PAPPA2: variants seen among roughly 807,000 people sequenced by gnomAD.
The protein encoded by PAPPA2 is pappalysin-2.
A neutral mutation model predicts 176.4 loss-of-function variants in PAPPA2; 86 were observed. The observed-to-expected ratio is 0.49, with a 90% confidence interval of 0.41 to 0.58. PAPPA2 has a LOEUF of 0.58. PAPPA2 is among the 20% of genes least tolerant of loss of function. The probability of loss-of-function intolerance (pLI) is 0.00; values close to 1 mark genes in which losing one functional copy is unlikely to be tolerated. For missense variants in PAPPA2, 2,073 were observed against 2,256.9 expected (o/e 0.92, Z 1.65); for synonymous variants, 809 against 852.2 (o/e 0.95, Z 0.88).
rs543830001 is a variant in PAPPA2 at position 176,763,362 on chromosome 1, G to A, written c.4152-2304G>A. On this transcript the variant is annotated intron_variant, in intron 14 of 22. Coordinates refer to ENST00000367662, the MANE Select transcript of PAPPA2 (RefSeq NM_020318.3). ...CTTATACCACTGGTACTCAGATCGA[G>A]GCCTTCCTAACAGTAAGTGCTCAGT... Among the ~76,000 whole-genome samples, 4 of 152,270 alleles carry A rather than the reference G, an allele frequency of 2.6e-5. No homozygotes were observed. In the South Asian group the frequency reaches 8.3e-4, roughly 32 times the overall value.
intron 4 of PAPPA2, among the ~76,000 whole-genome samples, chr1:176,678,962 A>C (rs1352277246): frequency 2.0e-5 from 3 of 152,164 alleles, no homozygotes; most frequent in African/African-American, 7.2e-5. Context: ...TGTGAGCACA[A>C]GGAAAGAATA....
Position 176,671,004 on chromosome 1 carries a change from C to A in PAPPA2, c.2026C>A (p.Leu676Met), listed in dbSNP as rs1171174390. 6.2e-7 allele frequency: 1 copy of A among 1,613,906 alleles called. No homozygotes were observed. Among genetic ancestry groups the A allele is most frequent in the East Asian group, 2.2e-5 (1 of 44,860 alleles). The change falls in exon 4 of 23, where the codon CTG (leucine) becomes ATG (methionine). Residue 676 changes from leucine to methionine, a missense_variant. Around this residue, in one of 4 missense-constraint regions of PAPPA2, gnomAD observed 1,196 missense variants for 1,330.4 expected, o/e 0.90. Transcript: ENST00000367662. ...YMSVKELKEALQLNSTHFLNI... is the reference protein window; with the variant it reads ...YMSVKELKEAMQLNSTHFLNI... ...GAGTGTGAAGGAGCTGAAGGAGGCCCTGCAGCTGAACAGTACTCACTTCCT... is the reference window on the plus strand; with the variant it reads ...GAGTGTGAAGGAGCTGAAGGAGGCCATGCAGCTGAACAGTACTCACTTCCT...
chr1:176,765,701 G>C lies in PAPPA2; in HGVS notation c.4187G>C (p.Cys1396Ser). 1 of 1,614,094 alleles carries C rather than the reference G, an allele frequency of 6.2e-7. No individual in the cohort carries two copies. Among genetic ancestry groups the C allele is most frequent in the East Asian group, 2.2e-5 (1 of 44,840 alleles). ...IHRPCGKQDS[C>S]PSLLLDHADV... ...CGGCCCTGTGGGAAGCAGGACAGCT[G>C]TCCGTCATTGCTGCTTGATCATGCT... The change falls in exon 15 of 23, where the codon TGT becomes TCT. Residue 1396 changes from cysteine to serine, a missense_variant. Cys to Ser is a moderately radical substitution (Grantham distance 112, BLOSUM62 -1). Around this residue, in one of 4 missense-constraint regions of PAPPA2, gnomAD observed 846 missense variants for 857.9 expected, o/e 0.99. Transcript: ENST00000367662.
At chr1:176,626,852 T>C (rs942452552) in intron 3 of PAPPA2, among the ~76,000 whole-genome samples, 1 of 151,568 alleles carries the variant, frequency 6.6e-6, no homozygotes, top group Non-Finnish European at 1.5e-5. Context: ...GGCAATAAGA[T>C]TGAGTGTGTG....
At chr1:176,644,659 TCC>T (rs1264140145) in intron 3 of PAPPA2, among the ~76,000 whole-genome samples, 1 of 151,766 alleles carries the variant, frequency 6.6e-6, no homozygotes, top group East Asian at 1.9e-4. Flanking sequence ...GTTTCGGCTT[TCC>T]CCAGGTCACC....
At chr1:176,675,170 G>C (rs1659225874) in intron 4 of PAPPA2, among the ~76,000 whole-genome samples, 1 of 151,998 alleles carries the variant, frequency 6.6e-6, no homozygotes, top group South Asian at 2.1e-4. Context: ...TTTGGAGGAA[G>C]TTTATCTGCC....
Position 176,844,482 on chromosome 1 carries a change from A to G in PAPPA2, c.*2028A>G, listed in dbSNP as rs902620919. On this transcript the variant is annotated 3_prime_UTR_variant, in exon 23 of 23. Coordinates refer to ENST00000367662, the MANE Select transcript of PAPPA2 (RefSeq NM_020318.3). The stretch of plus-strand genomic sequence containing the variant: ...GGGTTGCAAAGTTATTGGGAAAAGG[A>G]AAGAGCAGAGTTCACCCATTCAAAA... 1.3e-5 allele frequency: 2 copies of G among 152,182 alleles called. No homozygotes were observed. The highest frequency in any genetic ancestry group is 2.4e-5 in the African/African-American group (1 of 41,454). The allele number at this position is 152,182 out of a possible 1,614,324, so 9.4% of individuals were successfully genotyped here.
intron 1 of PAPPA2, among the ~76,000 whole-genome samples, chr1:176,473,199 AC>A (rs1284615733): frequency 6.6e-6 from 1 of 152,084 alleles, no homozygotes; most frequent in Non-Finnish European, 1.5e-5. Flanking sequence ...CCTCCTTCTA[AC>A]CCCTGTCCTA....
chr1:176,785,344 C>A (rs911020106), intron 17 of PAPPA2, among the ~76,000 whole-genome samples: 1 of 152,092 alleles, frequency 6.6e-6, no homozygotes, highest in South Asian at 2.1e-4. Context: ...AGATACTTAA[C>A]CTATCAAATG....
chr1:176,636,079 T>C (rs927015482), intron 3 of PAPPA2, among the ~76,000 whole-genome samples: 18 of 152,150 alleles, frequency 1.2e-4, no homozygotes, highest in African/African-American at 4.1e-4. Flanking sequence ...TTCCTCCCTC[T>C]GTGGCATCTT....
chr1:176,765,208 G>T (rs1163402351), intron 14 of PAPPA2, among the ~76,000 whole-genome samples: 1 of 152,172 alleles, frequency 6.6e-6, no homozygotes, highest in Non-Finnish European at 1.5e-5. Context: ...ATGGCCTTCT[G>T]TGTCACCTTG....
At chr1:176,489,988 C>T (rs1249784333) in intron 1 of PAPPA2, among the ~76,000 whole-genome samples, 1 of 152,126 alleles carries the variant, frequency 6.6e-6, no homozygotes, top group African/African-American at 2.4e-5. Context: ...GACAGGAGCT[C>T]CTTCTGGATC....
rs374896759 is a variant in PAPPA2, at chr1:176,685,610, G to A, written c.2138-4527G>A. On this transcript the variant is annotated intron_variant, in intron 4 of 22. Transcript: ENST00000367662. ...CTTATTATTGTTTCATTATTCCTAC[G>A]ATGTTGTCCCTGAGAAAGATTGCAG... is the stretch of plus-strand genomic sequence containing the variant. 1.4e-4 allele frequency among the ~76,000 whole-genome samples: 21 copies of A among 152,242 alleles called. No homozygotes were observed. The East Asian group carries it at 2.3e-3, about 17-fold the overall frequency.
chr1:176,659,423 C>T (rs959492853), intron 3 of PAPPA2, among the ~76,000 whole-genome samples: 1 of 151,992 alleles, frequency 6.6e-6, no homozygotes, highest in Non-Finnish European at 1.5e-5. Context: ...GTCCCTGTGT[C>T]CAAATTTCCT....
intron 2 of PAPPA2, among the ~76,000 whole-genome samples, chr1:176,573,735 C>T (rs1338388605): frequency 1.3e-5 from 2 of 152,152 alleles, no homozygotes; most frequent in Non-Finnish European, 2.9e-5. Flanking sequence ...AGTAATGACT[C>T]TAGAGAAAAT....
chr1:176,752,249 A>G (rs1663211392), intron 14 of PAPPA2, among the ~76,000 whole-genome samples: 1 of 130,978 alleles, frequency 7.6e-6, no homozygotes, highest in Admixed American at 7.9e-5. Context: ...GCTAGATGAC[A>G]CGTTAGTGGG....
intron 3 of PAPPA2, among the ~76,000 whole-genome samples, chr1:176,670,490 C>T (rs1232323754): frequency 6.6e-6 from 1 of 152,152 alleles, no homozygotes; most frequent in Non-Finnish European, 1.5e-5. Flanking sequence ...TTTCTATCCT[C>T]TATTTCCTTT....
chr1:176,617,604 C>T (rs1048776542), intron 3 of PAPPA2, among the ~76,000 whole-genome samples: 1 of 151,898 alleles, frequency 6.6e-6, no homozygotes, highest in Non-Finnish European at 1.5e-5. Context: ...CTGTGAATGC[C>T]ATTATTTCAT....
chr1:176,708,608 G>A (rs1660993688), intron 10 of PAPPA2, among the ~76,000 whole-genome samples: 1 of 151,846 alleles, frequency 6.6e-6, no homozygotes, highest in Admixed American at 6.6e-5. Context: ...GCTTTGGAGA[G>A]TGCTTTGAGT....
Sources: gnomAD v4.1 joint callset for allele counts (sites outside exome capture counted in the v4.1 genomes callset) on GRCh38, gnomAD v4.1.1 for gene constraint, gnomAD v4.1.1 regional missense constraint, MANE v1.5 for transcripts, NCBI Gene and HGNC (gene_info 2026-07-23, HGNC 2026-07-21) for gene names.